AGO3: variants seen among roughly 807,000 people sequenced by gnomAD.
AGO3 encodes protein argonaute-3.
A neutral mutation model predicts 105.5 loss-of-function variants in AGO3; 16 were observed. The ratio of observed to expected loss-of-function variants is 0.15; its 90% CI spans 0.10 to 0.23. AGO3 has a LOEUF of 0.23. Among genes scored for constraint, AGO3 ranks in the 10% least tolerant of loss-of-function variants. AGO3 has a pLI of 1.00. For synonymous variants in AGO3, 340 were observed against 367.3 expected, an observed-to-expected ratio of 0.93 and a Z score of 0.85; for missense variants, 534 against 1,088.0, an observed-to-expected ratio of 0.49 and a Z score of 7.16.
At chr1:36,044,145 G>T (rs1304842398) in intron 17 of AGO3, among the ~76,000 whole-genome samples, 2 of 152,162 alleles carry the variant, frequency 1.3e-5, no homozygotes, top group Non-Finnish European at 2.9e-5. Context: ...AGGAGTTTGA[G>T]ACCAGCCTGG....
chr1:36,037,126 T>A (rs1479074669), intron 14 of AGO3, among the ~76,000 whole-genome samples: 1 of 152,236 alleles, frequency 6.6e-6, no homozygotes, highest in Non-Finnish European at 1.5e-5. Flanking sequence ...TTGATAATAT[T>A]TTACCTATTT....
chr1:35,976,753 T>A (rs1646963018), intron 5 of AGO3, among the ~76,000 whole-genome samples: 1 of 152,206 alleles, frequency 6.6e-6, no homozygotes, highest in African/African-American at 2.4e-5. Context: ...CTAGATTCTT[T>A]TAATTGATGC....
chr1:35,996,480 AAT>A (rs960787230), intron 5 of AGO3, among the ~76,000 whole-genome samples: 1 of 151,918 alleles, frequency 6.6e-6, no homozygotes, highest in African/African-American at 2.4e-5. Context: ...TTCACAAAAG[AAT>A]ATGTGTGGTC....
At chr1:35,953,479 T>C (rs1409979501) in intron 2 of AGO3, among the ~76,000 whole-genome samples, 3 of 152,144 alleles carry the variant, frequency 2.0e-5, no homozygotes, top group Non-Finnish European at 4.4e-5. Flanking sequence ...TATTTATTGG[T>C]CATTTGTATA....
Position 35,942,513 on chromosome 1 carries a change from G to A in AGO3, c.20-3179G>A, listed in dbSNP as rs753283453. On this transcript the variant is annotated intron_variant, in intron 1 of 18. Coordinates refer to ENST00000373191, the MANE Select transcript of AGO3 (RefSeq NM_024852.4). ...GTATAATTCTCTAGTGAAGCCATCT[G>A]GATCTGGAATCTTTTTGTATGTATG... Among the ~76,000 whole-genome samples, 59 of 151,892 alleles carry A rather than the reference G, an allele frequency of 3.9e-4. 1 individual carries two copies. Among genetic ancestry groups the A allele is most frequent in the Admixed American group, 3.1e-3 (47 of 15,242 alleles).
chr1:36,049,133 A>T lies in AGO3; in HGVS notation c.2274+5585A>T, dbSNP rs117779053. Reference sequence around the variant, plus strand: ...CAAATACTGCATGCTCTCACTTAAAAGTGGGAGCTAAACATTGAGCACACA... The same window carrying T: ...CAAATACTGCATGCTCTCACTTAAATGTGGGAGCTAAACATTGAGCACACA... On this transcript the variant is annotated intron_variant, in intron 17 of 18. Transcript: ENST00000373191. 4.1e-4 allele frequency among the ~76,000 whole-genome samples: 63 copies of T among 152,358 alleles called. No individual in the cohort carries two copies. The East Asian group carries it at 8.9e-3, about 21-fold the overall frequency.
chr1:35,953,419 G>A (rs1646509410), intron 2 of AGO3, among the ~76,000 whole-genome samples: 1 of 151,932 alleles, frequency 6.6e-6, no homozygotes, highest in African/African-American at 2.4e-5. Flanking sequence ...GTATCTCATT[G>A]TCGTTTTGAC....
intron 3 of AGO3, 38 bp downstream of exon 3, chr1:35,967,113 T>G: frequency 6.3e-7 from 1 of 1,588,384 alleles, no homozygotes; most frequent in African/African-American, 1.4e-5. Context: ...GGTATATTTT[T>G]GAAGTGTCTC....
At chr1:35,967,563 T>C (rs774057265) in intron 3 of AGO3, among the ~76,000 whole-genome samples, 8 of 151,930 alleles carry the variant, frequency 5.3e-5, no homozygotes, top group Non-Finnish European at 1.0e-4. Flanking sequence ...TACAGGCACG[T>C]GCTACCACTC....
chr1:35,950,037 A>G lies in AGO3; in HGVS notation c.191+4174A>G, dbSNP rs1438979549. Among the ~76,000 whole-genome samples, 6 of 152,276 alleles carry G rather than the reference A, an allele frequency of 3.9e-5. No homozygotes were observed. The East Asian group carries it at 9.7e-4, about 25-fold the overall frequency. On this transcript the variant is annotated intron_variant, in intron 2 of 18. Coordinates refer to ENST00000373191, the MANE Select transcript of AGO3 (RefSeq NM_024852.4). ...GGAGATCGAGACCATCCTGGCCAACATGGTGAAACCCCGTCTCTACTAAAA... is the reference window on the plus strand; with the variant it reads ...GGAGATCGAGACCATCCTGGCCAACGTGGTGAAACCCCGTCTCTACTAAAA...
intron 17 of AGO3, among the ~76,000 whole-genome samples, chr1:36,045,381 C>T (rs548498685): frequency 2.4e-4 from 37 of 151,800 alleles, no homozygotes; most frequent in Admixed American, 3.9e-4. Flanking sequence ...ACCACCATGC[C>T]GAGCTAATTT....
At chr1:35,943,601 C>CTT (rs59873910) in intron 1 of AGO3, among the ~76,000 whole-genome samples, 18 of 123,436 alleles carry the variant, frequency 1.5e-4, no homozygotes, top group African/African-American at 3.7e-4. Context: ...ACCCCCAGCC[C>CTT]TTTTTTTTTT....
At chr1:36,017,053 C>T (rs765254144) in intron 11 of AGO3, among the ~76,000 whole-genome samples, 4 of 152,154 alleles carry the variant, frequency 2.6e-5, no homozygotes, top group Non-Finnish European at 5.9e-5. Flanking sequence ...GGTCTCAGTA[C>T]GTCATTTATA....
At chr1:36,041,112 C>CT (rs1642227265) in intron 16 of AGO3, among the ~76,000 whole-genome samples, 1 of 144,606 alleles carries the variant, frequency 6.9e-6, no homozygotes, top group African/African-American at 2.6e-5. Flanking sequence ...TTTATACAAA[C>CT]TAACTTTTAG....
At chr1:36,052,814 C>A (rs1438737254) in intron 17 of AGO3, among the ~76,000 whole-genome samples, 1 of 151,948 alleles carries the variant, frequency 6.6e-6, no homozygotes, top group Non-Finnish European at 1.5e-5. Flanking sequence ...GAGTTGGAGA[C>A]CAGTCTGGGC....
intron 5 of AGO3, among the ~76,000 whole-genome samples, chr1:35,994,562 G>A (rs1478111405): frequency 6.8e-6 from 1 of 147,862 alleles, no homozygotes; most frequent in Non-Finnish European, 1.5e-5. Context: ...GAAATAAAAG[G>A]CATAATTTGT....
intron 5 of AGO3, among the ~76,000 whole-genome samples, chr1:35,999,632 A>T: frequency 6.6e-6 from 1 of 152,136 alleles, no homozygotes; most frequent in Non-Finnish European, 1.5e-5. Flanking sequence ...TGTTGTGATC[A>T]TAAGTGGTAT....
chr1:35,945,610 T>A (rs987865976), intron 1 of AGO3, 82 bp from the exon 2 acceptor site: 1 of 1,405,876 alleles, frequency 7.1e-7, no homozygotes, highest in Non-Finnish European at 9.7e-7. Context: ...GCTGTACTTA[T>A]AATTCTAATA....
At chr1:35,940,216 G>A (rs760369831) in intron 1 of AGO3, among the ~76,000 whole-genome samples, 4 of 151,988 alleles carry the variant, frequency 2.6e-5, no homozygotes, top group African/African-American at 4.8e-5. Context: ...ACAGGCATGC[G>A]CCATGACGCC....
Sources: allele counts gnomAD v4.1 joint callset (sites outside exome capture counted in the v4.1 genomes callset), GRCh38; gene constraint gnomAD v4.1.1; transcripts MANE v1.5; gene names NCBI Gene and HGNC (gene_info 2026-07-23, HGNC 2026-07-21).